RARB: variants seen among roughly 807,000 people sequenced by gnomAD.
The protein encoded by RARB is retinoic acid receptor beta.
Under a neutral mutation model 51.9 loss-of-function variants are expected in RARB, and 17 were observed. The ratio of observed to expected loss-of-function variants is 0.33; its 90% confidence interval spans 0.22 to 0.49. The LOEUF (loss-of-function observed/expected upper bound fraction) is 0.49, where lower values mean the gene tolerates loss of function less well. Ranked by LOEUF, RARB falls within the 20% of genes least tolerant of loss-of-function variation. The pLI is 0.99. For missense variants in RARB, 369 were observed against 550.8 expected, an observed-to-expected ratio of 0.67 and a Z score of 3.30; for synonymous variants, 215 against 195.4, an observed-to-expected ratio of 1.10 and a Z score of -0.84.
chr3:25,064,235 A>C (rs1160526277), intron 3 of RARB, among the ~76,000 whole-genome samples: 1 of 152,114 alleles, frequency 6.6e-6, no homozygotes, highest in Non-Finnish European at 1.5e-5. Context: ...TAGTAATATA[A>C]TGGCAATAGA....
intron 2 of RARB, among the ~76,000 whole-genome samples, chr3:24,942,931 G>A (rs776212047): frequency 1.3e-5 from 2 of 152,108 alleles, no homozygotes; most frequent in Non-Finnish European, 1.5e-5. Context: ...TAATAAAAAT[G>A]TAAGAGAACC....
chr3:25,215,807 T>C (rs1486127826), intron 5 of RARB, among the ~76,000 whole-genome samples: 1 of 152,162 alleles, frequency 6.6e-6, no homozygotes, highest in Non-Finnish European at 1.5e-5. Context: ...ATCAGGACTC[T>C]TCTCTGGAAT....
At chr3:25,246,700 C>T (rs1038567629) in intron 5 of RARB, among the ~76,000 whole-genome samples, 2 of 152,056 alleles carry the variant, frequency 1.3e-5, no homozygotes, top group African/African-American at 4.8e-5. Flanking sequence ...GAAGTTTGGT[C>T]CCAAAGGGGT....
intron 5 of RARB, among the ~76,000 whole-genome samples, chr3:25,288,735 A>C (rs571008641): frequency 6.6e-6 from 1 of 151,554 alleles, no homozygotes; most frequent in South Asian, 2.1e-4. Flanking sequence ...ACCTTCTAAG[A>C]GAAATTATCT....
At chr3:25,059,999 C>T (rs1003244643) in intron 2 of RARB, 3 of 151,742 alleles carry the variant, frequency 2.0e-5, no homozygotes, top group African/African-American at 7.3e-5. Context: ...TGGCAAGCAT[C>T]TTTCCCTATT....
chr3:24,852,228 G>A (rs576702405), intron 1 of RARB, among the ~76,000 whole-genome samples: 2 of 152,280 alleles, frequency 1.3e-5, no homozygotes, highest in African/African-American at 2.4e-5. Context: ...TTTGCGGGAC[G>A]AATCTGAAAG....
intron 4 of RARB, among the ~76,000 whole-genome samples, chr3:25,577,145 C>G (rs112110833): frequency 0.011 from 1,666 of 152,254 alleles, 29 homozygotes; most frequent in African/African-American, 0.039. Context: ...ACGTGGTGCA[C>G]TGGTGGGAAG....
At chr3:25,046,179 G>A (rs1286271999) in intron 2 of RARB, among the ~76,000 whole-genome samples, 5 of 152,302 alleles carry the variant, frequency 3.3e-5, no homozygotes, top group Admixed American at 2.0e-4. Flanking sequence ...GAAAAAAACC[G>A]CTGGGCCTGT....
At chr3:25,400,950 G>C (rs1707246844) in intron 5 of RARB, among the ~76,000 whole-genome samples, 1 of 152,068 alleles carries the variant, frequency 6.6e-6, no homozygotes, top group South Asian at 2.1e-4. Flanking sequence ...ATCTGCCAAA[G>C]CCTCCAAGAT....
intron 5 of RARB, among the ~76,000 whole-genome samples, chr3:25,331,322 T>A (rs562067531): frequency 6.6e-6 from 1 of 152,182 alleles, no homozygotes; most frequent in African/African-American, 2.4e-5. Context: ...TATAACAGAC[T>A]GTCTCTCAGA....
At chr3:25,305,867 G>T (rs2125430187) in intron 5 of RARB, among the ~76,000 whole-genome samples, 1 of 152,288 alleles carries the variant, frequency 6.6e-6, no homozygotes, top group South Asian at 2.1e-4. Context: ...TAAGGGATTG[G>T]TTATTTGAAA....
chr3:24,840,326 T>A (rs1322857901), intron 1 of RARB, among the ~76,000 whole-genome samples: 2 of 152,198 alleles, frequency 1.3e-5, no homozygotes, highest in East Asian at 3.8e-4. Context: ...AATGGAGCTG[T>A]GAAGGTATAA....
At chr3:25,348,086 A>G (rs1705448835) in intron 5 of RARB, among the ~76,000 whole-genome samples, 1 of 152,122 alleles carries the variant, frequency 6.6e-6, no homozygotes, top group African/African-American at 2.4e-5. Context: ...AATGATCTTC[A>G]TAGGCTTCAT....
At chr3:25,157,249 A>G (rs1172369092) in intron 4 of RARB, among the ~76,000 whole-genome samples, 1 of 152,094 alleles carries the variant, frequency 6.6e-6, no homozygotes, top group African/African-American at 2.4e-5. Flanking sequence ...CTTATCAGGT[A>G]TTTTCATGGA....
intron 2 of RARB, among the ~76,000 whole-genome samples, chr3:25,494,329 C>G (rs1206911116): frequency 6.7e-6 from 1 of 150,140 alleles, no homozygotes; most frequent in Non-Finnish European, 1.5e-5. Flanking sequence ...GTTCCCTGCA[C>G]TTTCTTACTC....
chr3:25,327,960 G>T (rs1426815488), intron 5 of RARB, among the ~76,000 whole-genome samples: 1 of 152,154 alleles, frequency 6.6e-6, no homozygotes, highest in Non-Finnish European at 1.5e-5. Context: ...ATAAAACAAA[G>T]TACACTAGTT....
chr3:25,419,617 A>G (rs1019132760), intron 5 of RARB, among the ~76,000 whole-genome samples: 2 of 152,072 alleles, frequency 1.3e-5, no homozygotes, highest in Non-Finnish European at 2.9e-5. Flanking sequence ...CAGAATGAAA[A>G]CCCGAGGACC....
At chr3:25,180,291 C>T (rs960248849) in intron 5 of RARB, among the ~76,000 whole-genome samples, 37 of 152,022 alleles carry the variant, frequency 2.4e-4, no homozygotes, top group African/African-American at 4.8e-5. Flanking sequence ...GAATTCCTTT[C>T]GATAAAGACA....
intron 5 of RARB, among the ~76,000 whole-genome samples, chr3:25,366,221 T>C (rs1224769029): frequency 1.3e-5 from 2 of 152,182 alleles, no homozygotes; most frequent in African/African-American, 4.8e-5. Flanking sequence ...TGGGAAAGTG[T>C]TGCTCAAAGA....
Sources: gnomAD v4.1 joint callset for allele counts (sites outside exome capture counted in the v4.1 genomes callset) on GRCh38, gnomAD v4.1.1 for gene constraint, MANE v1.5 for transcripts, NCBI Gene and HGNC (gene_info 2026-07-23, HGNC 2026-07-21) for gene names.